WWC1: variants seen among roughly 807,000 people sequenced by gnomAD.
WWC1 encodes the protein protein KIBRA.
A neutral mutation model predicts 138.4 loss-of-function variants in WWC1; 55 were observed. The ratio of observed to expected loss-of-function variants is 0.40; its 90% confidence interval spans 0.32 to 0.50. WWC1 has a LOEUF of 0.50. WWC1 is among the 20% of genes least tolerant of loss of function. The pLI is 0.72. For missense variants in WWC1, 1,226 were observed against 1,420.4 expected (o/e 0.86, Z 2.20); for synonymous variants, 524 against 564.9 (o/e 0.93, Z 1.03).
At chr5:168,333,985 G>A (rs888265689) in intron 1 of WWC1, among the ~76,000 whole-genome samples, 2 of 150,314 alleles carry the variant, frequency 1.3e-5, no homozygotes, top group Admixed American at 6.6e-5. Flanking sequence ...AAGCCAAGAC[G>A]GGGAAGGATC....
intron 1 of WWC1, among the ~76,000 whole-genome samples, chr5:168,345,061 G>A (rs1305190506): frequency 6.6e-6 from 1 of 152,108 alleles, no homozygotes; most frequent in African/African-American, 2.4e-5. Flanking sequence ...GGTTTTATCT[G>A]TTTTCCTGTG....
intron 5 of WWC1, among the ~76,000 whole-genome samples, chr5:168,404,702 G>A (rs1008481287): frequency 2.0e-5 from 3 of 152,304 alleles, no homozygotes; most frequent in African/African-American, 7.2e-5. Flanking sequence ...TGTTCCCGCA[G>A]ACTGTAAAAC....
chr5:168,349,259 G>A (rs983634879), intron 1 of WWC1, among the ~76,000 whole-genome samples: 3 of 152,138 alleles, frequency 2.0e-5, no homozygotes, highest in Non-Finnish European at 2.9e-5. Context: ...GGCCTCTTGG[G>A]CACGTGGGTT....
At chr5:168,417,420 A>G (rs1780746674) in intron 9 of WWC1, among the ~76,000 whole-genome samples, 1 of 152,108 alleles carries the variant, frequency 6.6e-6, no homozygotes, top group Non-Finnish European at 1.5e-5. Flanking sequence ...AAAAGCTCCC[A>G]TCCTGTGCCA....
At chr5:168,398,808 G>A (rs1779101007) in intron 4 of WWC1, among the ~76,000 whole-genome samples, 1 of 152,204 alleles carries the variant, frequency 6.6e-6, no homozygotes, top group Non-Finnish European at 1.5e-5. Context: ...AGTCTTAAAG[G>A]TAATTGCATT....
At chr5:168,429,946 A>G (rs987023039) in intron 13 of WWC1, among the ~76,000 whole-genome samples, 191 bp from the exon 14 acceptor site, 1 of 152,160 alleles carries the variant, frequency 6.6e-6, no homozygotes, top group Non-Finnish European at 1.5e-5. Flanking sequence ...AACAAAAAAA[A>G]AATTTTCAAA....
intron 1 of WWC1, among the ~76,000 whole-genome samples, chr5:168,330,417 A>T (rs188140513): frequency 1.3e-5 from 2 of 152,280 alleles, no homozygotes; most frequent in Admixed American, 1.3e-4. Flanking sequence ...TCTGAGACTC[A>T]GTTTTCTTCT....
chr5:168,394,592 G>A (rs1167882524), intron 3 of WWC1, among the ~76,000 whole-genome samples: 4 of 152,164 alleles, frequency 2.6e-5, no homozygotes, highest in Non-Finnish European at 5.9e-5. Flanking sequence ...TGGGCGTGGT[G>A]GCAGGTGCCT....
intron 5 of WWC1, among the ~76,000 whole-genome samples, chr5:168,405,726 CTTTCTTTT>C (rs1325662509): frequency 1.4e-5 from 2 of 141,988 alleles, no homozygotes; most frequent in Non-Finnish European, 3.1e-5. Context: ...CCTTTTCTTT[CTTTCTTTT>C]TTTTTTTTTT....
intron 15 of WWC1, among the ~76,000 whole-genome samples, chr5:168,435,058 A>G (rs1483730601): frequency 2.0e-5 from 3 of 152,152 alleles, no homozygotes; most frequent in Non-Finnish European, 4.4e-5. Flanking sequence ...GTGATCACTC[A>G]CTTCCCATGA....
intron 9 of WWC1, among the ~76,000 whole-genome samples, chr5:168,416,923 A>G (rs1780703618): frequency 6.6e-6 from 1 of 152,152 alleles, no homozygotes; most frequent in African/African-American, 2.4e-5. Context: ...GCTGGAGTGC[A>G]GTGGCACGAT....
chr5:168,468,093 A>G (rs977896447), intron 22 of WWC1, 129 bp downstream of exon 22: 13 of 1,453,520 alleles, frequency 8.9e-6, no homozygotes, highest in Non-Finnish European at 1.2e-5. Flanking sequence ...ACAGATGTTC[A>G]TCCTCCGCCA....
At chr5:168,444,428 T>G in intron 16 of WWC1, 66 bp from the exon 17 acceptor site, 1 of 1,478,896 alleles carries the variant, frequency 6.8e-7, no homozygotes, top group Non-Finnish European at 9.2e-7. Flanking sequence ...TGAGATGCTC[T>G]GATTCCTGGC....
At chr5:168,356,348 A>G (rs1775412894) in intron 1 of WWC1, among the ~76,000 whole-genome samples, 1 of 152,234 alleles carries the variant, frequency 6.6e-6, no homozygotes, top group Non-Finnish European at 1.5e-5. Context: ...TGTCTGGCCC[A>G]AGCTCTCACG....
In WWC1 at chr5:168,460,656, C is replaced by T; in HGVS notation, c.2830C>T (p.Arg944Trp). The T allele has an allele frequency of 6.2e-7, 1 of 1,613,968 alleles. No individual in the cohort carries two copies. The highest frequency in any genetic ancestry group is 8.5e-7 in the Non-Finnish European group (1 of 1,179,920). ...PQSQYVCRLN[R>W]SDSDSSTLSK... ...CATGACTTTTCTCTTGCAGCTGAAT[C>T]GGAGTGATAGTGACAGCTCCACTCT... is the stretch of plus-strand genomic sequence containing the variant. Residue 944 changes from arginine (R) to tryptophan (W), a missense_variant, in exon 20 of 23, where the codon CGG becomes TGG. This residue lies in a region of WWC1 where 206 missense variants were observed against 247.4 expected (regional missense o/e 0.83). Transcript: ENST00000265293.
intron 1 of WWC1, among the ~76,000 whole-genome samples, chr5:168,343,432 C>G (rs1449771454): frequency 1.3e-5 from 2 of 152,178 alleles, no homozygotes; most frequent in Non-Finnish European, 2.9e-5. Flanking sequence ...GATCACAGAG[C>G]TCAGGTTGGC....
chr5:168,436,232 T>C (rs1239854245), intron 15 of WWC1, among the ~76,000 whole-genome samples: 1 of 152,160 alleles, frequency 6.6e-6, no homozygotes, highest in Non-Finnish European at 1.5e-5. Context: ...CCATCTTCCT[T>C]CTGGACCTGC....
At chr5:168,329,264 A>C (rs1231942230) in intron 1 of WWC1, among the ~76,000 whole-genome samples, 1 of 152,232 alleles carries the variant, frequency 6.6e-6, no homozygotes, top group Non-Finnish European at 1.5e-5. Context: ...CACTGCCCTC[A>C]AGGCCCAAGG....
At chr5:168,456,499 C>T (rs1228961528) in intron 19 of WWC1, among the ~76,000 whole-genome samples, 1 of 151,956 alleles carries the variant, frequency 6.6e-6, no homozygotes. Context: ...TGCATGGTGG[C>T]ACATGCTTGT....
Sources: allele counts gnomAD v4.1 joint callset (sites outside exome capture counted in the v4.1 genomes callset), GRCh38; gene constraint gnomAD v4.1.1; regional missense constraint gnomAD v4.1.1; transcripts MANE v1.5; gene names NCBI Gene and HGNC (gene_info 2026-07-23, HGNC 2026-07-21).